Variants in NPIPA5 observed in about 807,000 individuals in gnomAD.
NPIPA5 encodes nuclear pore complex interacting protein family member A5, also known as nuclear pore complex-interacting protein family member A5.
In NPIPA5, 6 loss-of-function variants were observed where a neutral mutation model predicts 21.4. That is an observed-to-expected ratio of 0.28 (90% confidence interval 0.15 to 0.55). The LOEUF (loss-of-function observed/expected upper bound fraction) is 0.55, where lower values mean the gene tolerates loss of function less well. Ranked by LOEUF, NPIPA5 falls within the 20% of genes least tolerant of loss-of-function variation. The pLI, the probability that NPIPA5 is intolerant of heterozygous loss-of-function variation, is 0.93. For synonymous variants in NPIPA5, 33 were observed against 115.3 expected (o/e 0.29, Z 4.57); for missense variants, 99 against 318.2 (o/e 0.31, Z 5.24).
chr16:15,366,902 G>T, intron 4 of NPIPA5, 142 bp from the exon 5 acceptor site: 1 of 1,510,122 alleles, frequency 6.6e-7, no homozygotes, highest in Non-Finnish European at 8.8e-7. Context: ...ACAACCGAAG[G>T]GAGAATGGAC....
intron 1 of NPIPA5, among the ~76,000 whole-genome samples, chr16:15,376,068 T>C (rs2050283311): frequency 6.6e-6 from 1 of 152,150 alleles, no homozygotes; most frequent in African/African-American, 2.4e-5. Context: ...ACAACAATGG[T>C]AATGATTTCA....
At position 15,366,908 on chromosome 16, in the gene NPIPA5, T is replaced by C. The variant is rs568706705; in HGVS notation, c.438-148A>G. 3.1e-5 allele frequency: 47 copies of C among 1,506,464 alleles called. 2 individuals are homozygous for C. Among genetic ancestry groups the C allele is most frequent in the Non-Finnish European group, 4.0e-5 (46 of 1,136,852 alleles). 93.3% of individuals were successfully genotyped at this position (1,506,464 alleles called of 1,614,324 possible). A position where few individuals can be genotyped will look rare whatever the true frequency, so the allele number is the denominator to read the frequency against. ...CTGATTCTCACAACCGAAGGGAGAATGGACACCTCCCATTGAGGGATAAAA... is the reference window on the plus strand; with the variant it reads ...CTGATTCTCACAACCGAAGGGAGAACGGACACCTCCCATTGAGGGATAAAA... On this transcript the variant is annotated intron_variant, in intron 4 of 7. Transcript: ENST00000360151.
At position 15,366,758 on chromosome 16, in the gene NPIPA5, A is replaced by C; in HGVS notation, c.440T>G (p.Leu147Arg). Reference sequence around the variant, plus strand: ...ACGTTCTTTCATGCTTAGTTTCCTCAGACTAGAAGGGAGAGAAATGCACAC... The same window carrying C: ...ACGTTCTTTCATGCTTAGTTTCCTCCGACTAGAAGGGAGAGAAATGCACAC... ...NGKRKTAKEH[L>R]RKLSMKEREH... Residue 147 changes from leucine to arginine, a missense_variant and splice_region_variant, in exon 5 of 8, where the codon CTG becomes CGG. Coordinates refer to ENST00000360151, the MANE Select transcript of NPIPA5 (RefSeq NM_001277325.2). 3 of 1,503,428 alleles carry C rather than the reference A, an allele frequency of 2.0e-6. No homozygotes were observed. Among genetic ancestry groups the C allele is most frequent in the South Asian group, 1.3e-5 (1 of 79,560 alleles). The allele number at this position is 1,503,428 out of a possible 1,614,324, so 93.1% of individuals were successfully genotyped here.
At chr16:15,366,632 G>T in intron 5 of NPIPA5, 21 bp downstream of exon 5, 2 of 647,360 alleles carry the variant, frequency 3.1e-6, no homozygotes, top group Non-Finnish European at 5.2e-6. Context: ...CAAGAGGGTG[G>T]GGTTCAGTTT....
At chr16:15,381,201 C>T (rs1331767198), upstream of NPIPA5, 2 of 153,236 alleles carry the variant, frequency 1.3e-5, no homozygotes, top group Non-Finnish European at 2.8e-5. Flanking sequence ...AATTCCTGTA[C>T]TTTGAATTTC....
intron 4 of NPIPA5, among the ~76,000 whole-genome samples, chr16:15,369,494 C>T (rs1293402076): frequency 6.6e-6 from 1 of 151,220 alleles, no homozygotes; most frequent in Non-Finnish European, 1.5e-5. Context: ...AATGCCAGTA[C>T]TAGCAACTCC....
rs1445291575 is a variant in NPIPA5 at position 15,373,781 on chromosome 16, T to C, written c.126A>G (p.Leu42=). Residue 42 remains leucine (L), a synonymous_variant, in exon 2 of 8, where the codon TTA becomes TTG. Coordinates refer to ENST00000360151, the MANE Select transcript of NPIPA5 (RefSeq NM_001277325.2). ...TTCTCAGAAACACAGTAATGATAAG[T>C]AACCAAGGACTTCCACCAAAGTCAG... ...RGTDFGGSPW[L]LIITVFLRSY... 9.5e-6 allele frequency: 1 copy of C among 104,794 alleles called. No homozygotes were observed. Among genetic ancestry groups the C allele is most frequent in the Admixed American group, 2.1e-4 (1 of 4,662 alleles). 6.5% of individuals were successfully genotyped at this position (104,794 alleles called of 1,614,324 possible). A position where few individuals can be genotyped will look rare whatever the true frequency, so the allele number is the denominator to read the frequency against.
At chr16:15,374,153 A>T (rs1385738317) in intron 1 of NPIPA5, among the ~76,000 whole-genome samples, 3 of 150,038 alleles carry the variant, frequency 2.0e-5, no homozygotes, top group Non-Finnish European at 4.4e-5. Flanking sequence ...GCCACACATA[A>T]CATACACTAA....
chr16:15,372,197 C>T (rs1198624383), intron 2 of NPIPA5, among the ~76,000 whole-genome samples: 1 of 147,562 alleles, frequency 6.8e-6, no homozygotes, highest in Non-Finnish European at 1.5e-5. Context: ...AATTTAAAAA[C>T]TTCCCCTGGC....
chr16:15,379,987 G>GTT, upstream of NPIPA5, among the ~76,000 whole-genome samples: 1 of 128,748 alleles, frequency 7.8e-6, no homozygotes, highest in Admixed American at 7.7e-5. Context: ...GTGTGTGTCT[G>GTT]TGTGTGTGTG....
At position 15,363,852 on chromosome 16, in the gene NPIPA5, T is replaced by C. The variant is rs756373105; in HGVS notation, c.860A>G (p.Glu287Gly). The change falls in exon 8 of 8, where the codon GAG becomes GGG. Residue 287 changes from glutamate (E) to glycine (G), a missense_variant. Glu to Gly is a moderately conservative substitution (Grantham distance 98). Transcript: ENST00000360151. ...GGGTGGAAGGGGAGTGAGCAGACAC[T>C]CGGGAGGTGTCTTGAGATTATCATC... is the stretch of plus-strand genomic sequence containing the variant. The part of the protein sequence containing the change: ...SADDNLKTPP[E>G]CLLTPLPPSA... 6.9e-6 allele frequency: 11 copies of C among 1,593,224 alleles called. No homozygotes were observed. The African/African-American group carries it at 1.3e-4, about 19-fold the overall frequency.
At chr16:15,381,177 C>G (rs987931348), upstream of NPIPA5, 56 of 601,954 alleles carry the variant, frequency 9.3e-5, no homozygotes, top group African/African-American at 1.0e-3. Context: ...CAGAAAAGGA[C>G]AGAACCAAGT....
intron 1 of NPIPA5, among the ~76,000 whole-genome samples, chr16:15,375,972 G>A (rs1318089301): frequency 6.7e-6 from 1 of 150,076 alleles, no homozygotes; most frequent in Admixed American, 6.7e-5. Flanking sequence ...CTTTCAAGAT[G>A]GTGAATTAAA....
chr16:15,364,225 A>C (rs1598385955), intron 7 of NPIPA5, 156 bp from the exon 8 acceptor site: 1 of 495,588 alleles, frequency 2.0e-6, no homozygotes. Flanking sequence ...TCATAATATC[A>C]CCCTTCCACT....
At chr16:15,378,015 CA>C (rs1237867615) in intron 1 of NPIPA5, among the ~76,000 whole-genome samples, 1 of 144,738 alleles carries the variant, frequency 6.9e-6, no homozygotes, top group Admixed American at 7.0e-5. Context: ...CGCATCATCC[CA>C]ATGACCCCTC....
At chr16:15,368,572 C>A (rs1472079204) in intron 4 of NPIPA5, among the ~76,000 whole-genome samples, 1 of 150,512 alleles carries the variant, frequency 6.6e-6, no homozygotes, top group Non-Finnish European at 1.5e-5. Context: ...GCATTGAATT[C>A]AACAATCCAG....
At chr16:15,376,987 C>A (rs61566288) in intron 1 of NPIPA5, among the ~76,000 whole-genome samples, 1 of 151,684 alleles carries the variant, frequency 6.6e-6, no homozygotes, top group African/African-American at 2.4e-5. Context: ...AACAAACAAA[C>A]AAAAAAGTCA....
intron 2 of NPIPA5, among the ~76,000 whole-genome samples, chr16:15,370,628 G>A (rs1337786776): frequency 7.0e-6 from 1 of 142,746 alleles, no homozygotes; most frequent in Non-Finnish European, 1.5e-5. Context: ...GTGCATGCCT[G>A]TAATCCCAGC....
At position 15,366,708 on chromosome 16, in the gene NPIPA5, C is replaced by T; in HGVS notation, c.490G>A (p.Val164Met). The change falls in exon 5 of 8, where the codon GTG becomes ATG. Residue 164 changes from valine (V) to methionine (M), a missense_variant. By Grantham distance (21) the Val-to-Met change is conservative. Transcript: ENST00000360151. Reference sequence around the variant, plus strand: ...TTCCCATTTTCCTCTGCCTCTGACACCTGCCTCTCCTTTTCTCCGTGCTCA... The same window carrying T: ...TTCCCATTTTCCTCTGCCTCTGACATCTGCCTCTCCTTTTCTCCGTGCTCA... ...EREHGEKERQ[V>M]SEAEENGKLD... 6.5e-7 allele frequency: 1 copy of T among 1,530,178 alleles called. No individual in the cohort carries two copies. Among genetic ancestry groups the T allele is most frequent in the South Asian group, 1.2e-5 (1 of 84,242 alleles). 94.8% of individuals were successfully genotyped at this position (1,530,178 alleles called of 1,614,324 possible).
Sources: gnomAD v4.1 joint callset for allele counts (sites outside exome capture counted in the v4.1 genomes callset) on GRCh38, gnomAD v4.1.1 for gene constraint, MANE v1.5 for transcripts, NCBI Gene and HGNC (gene_info 2026-07-23, HGNC 2026-07-21) for gene names.